SPTBN1: variants seen among roughly 807,000 people sequenced by gnomAD.
The protein encoded by SPTBN1 is spectrin beta, non-erythrocytic 1, also known as spectrin beta chain, non-erythrocytic 1.
Under a neutral mutation model 266.4 loss-of-function variants are expected in SPTBN1, and 32 were observed. The ratio of observed to expected loss-of-function variants is 0.12; its 90% CI spans 0.09 to 0.16. The LOEUF is 0.16. SPTBN1 is among the 10% of genes least tolerant of loss of function. SPTBN1 has a pLI of 1.00. For synonymous variants in SPTBN1, 1,336 were observed against 1,162.2 expected (o/e 1.15, Z -3.04); for missense variants, 2,296 against 3,067.1 (o/e 0.75, Z 5.94).
At chr2:54,594,814 A>G (rs1675944612) in intron 2 of SPTBN1, among the ~76,000 whole-genome samples, 1 of 140,624 alleles carries the variant, frequency 7.1e-6, no homozygotes, top group Admixed American at 7.1e-5. Flanking sequence ...TTACGATTCC[A>G]TGACCCTCTG....
chr2:54,650,639 A>G (rs190445330), intron 26 of SPTBN1, among the ~76,000 whole-genome samples: 21 of 152,292 alleles, frequency 1.4e-4, no homozygotes, highest in African/African-American at 4.6e-4. Flanking sequence ...TGATTATGTC[A>G]AGGGTTCTTG....
rs905760720 is a variant in SPTBN1, at chr2:54,659,598, T to C, written c.6356+332T>C. Among the ~76,000 whole-genome samples, 3 of 131,170 alleles carry C rather than the reference T, an allele frequency of 2.3e-5. No individual in the cohort carries two copies. In the South Asian group the frequency reaches 7.3e-4, roughly 32 times the overall value. The allele number at this position is 131,170 out of a possible 152,430, so 86.1% of individuals were successfully genotyped here. On this transcript the variant is annotated intron_variant, in intron 31 of 35. Transcript: ENST00000356805. ...AGATTTTAGGCCAGTGATTTTGTGGTGATGCGTTTTTTGAGAGTTCTAAGT... is the reference window on the plus strand; with the variant it reads ...AGATTTTAGGCCAGTGATTTTGTGGCGATGCGTTTTTTGAGAGTTCTAAGT...
chr2:54,486,041 T>C (rs976857061), intron 1 of SPTBN1, among the ~76,000 whole-genome samples: 14 of 139,838 alleles, frequency 1.0e-4, no homozygotes, highest in East Asian at 6.8e-4. Flanking sequence ...CGGCCGCCCC[T>C]ACTGGGAAGT....
intron 2 of SPTBN1, among the ~76,000 whole-genome samples, chr2:54,580,289 TAGAG>T (rs1383603650): frequency 6.6e-6 from 1 of 152,202 alleles, no homozygotes; most frequent in Non-Finnish European, 1.5e-5. Flanking sequence ...CGTTGAGTGG[TAGAG>T]AGGTTAAAGG....
At chr2:54,567,913 C>G (rs984197894) in intron 2 of SPTBN1, among the ~76,000 whole-genome samples, 1 of 152,138 alleles carries the variant, frequency 6.6e-6, no homozygotes, top group African/African-American at 2.4e-5. Context: ...ACGACATAAC[C>G]TCCTAGAATT....
At chr2:54,604,895 G>A (rs1676734172) in intron 3 of SPTBN1, among the ~76,000 whole-genome samples, 1 of 152,166 alleles carries the variant, frequency 6.6e-6, no homozygotes, top group African/African-American at 2.4e-5. Flanking sequence ...ACTGCTCTCT[G>A]CCTGCAGAGC....
intron 29 of SPTBN1, among the ~76,000 whole-genome samples, chr2:54,656,319 A>C (rs1680655354): frequency 6.6e-6 from 1 of 152,196 alleles, no homozygotes; most frequent in South Asian, 2.1e-4. Flanking sequence ...TTACTACAGA[A>C]TCAAGTTGGA....
chr2:54,566,468 G>A (rs1673671475), intron 2 of SPTBN1, among the ~76,000 whole-genome samples: 1 of 152,090 alleles, frequency 6.6e-6, no homozygotes, highest in African/African-American at 2.4e-5. Flanking sequence ...AATTATAAGC[G>A]TGAGCCACTG....
At chr2:54,608,119 A>C (rs1452868669) in intron 3 of SPTBN1, among the ~76,000 whole-genome samples, 1 of 152,096 alleles carries the variant, frequency 6.6e-6, no homozygotes, top group Non-Finnish European at 1.5e-5. Flanking sequence ...CGCTCAGCAC[A>C]CACCAAGCCC....
chr2:54,483,789 T>G (rs921972669), intron 1 of SPTBN1, among the ~76,000 whole-genome samples: 2 of 152,214 alleles, frequency 1.3e-5, no homozygotes, highest in Non-Finnish European at 2.9e-5. Flanking sequence ...TCCTGTTTTG[T>G]CATTGTCTGC....
chr2:54,555,659 C>T (rs957169214), intron 2 of SPTBN1, among the ~76,000 whole-genome samples: 2 of 152,096 alleles, frequency 1.3e-5, no homozygotes, highest in African/African-American at 2.4e-5. Context: ...TCAAAAGTCT[C>T]CAGTGGCTCC....
intron 1 of SPTBN1, among the ~76,000 whole-genome samples, chr2:54,467,467 T>C (rs1693695462): frequency 6.6e-6 from 1 of 152,196 alleles, no homozygotes; most frequent in South Asian, 2.1e-4. Flanking sequence ...CGATCTCGGC[T>C]CACTGCAACC....
intron 11 of SPTBN1, 119 bp downstream of exon 11, chr2:54,625,081 C>A: frequency 2.4e-6 from 3 of 1,244,250 alleles, no homozygotes; most frequent in Non-Finnish European, 2.2e-6. Context: ...TCTGGAGGAA[C>A]GTCAGGTCAC....
chr2:54,529,352 C>A (rs1262025922), intron 2 of SPTBN1: 1 of 604,472 alleles, frequency 1.7e-6, no homozygotes, highest in Admixed American at 2.3e-5. Flanking sequence ...GAAGATGGCA[C>A]CGAAAGTGAA....
chr2:54,666,455 A>G (rs1376690273), intron 34 of SPTBN1, among the ~76,000 whole-genome samples: 1 of 152,188 alleles, frequency 6.6e-6, no homozygotes, highest in East Asian at 1.9e-4. Flanking sequence ...GACCCAGGAG[A>G]TGCTATTCTT....
At position 54,670,985 on chromosome 2, in the gene SPTBN1, G is replaced by A; in HGVS notation, c.*2416G>A. 2.5e-6 allele frequency: 1 copy of A among 395,540 alleles called. No homozygotes were observed. The highest frequency in any genetic ancestry group is 2.1e-5 in the African/African-American group (1 of 48,502). The allele number at this position is 395,540 out of a possible 1,614,324, so 24.5% of individuals were successfully genotyped here. A position where few individuals can be genotyped will look rare whatever the true frequency, so the allele number is the denominator to read the frequency against. Reference sequence around the variant, plus strand: ...TTTTTTTTTATTCTTCCACTATCATGTTTTTTGAGGATTTTGCATATTTCT... The same window carrying A: ...TTTTTTTTTATTCTTCCACTATCATATTTTTTGAGGATTTTGCATATTTCT... On this transcript the variant is annotated 3_prime_UTR_variant, in exon 36 of 36. Coordinates refer to ENST00000356805, the MANE Select transcript of SPTBN1 (RefSeq NM_003128.3).
intron 24 of SPTBN1, 113 bp from the exon 25 acceptor site, chr2:54,648,873 T>G: frequency 1.9e-6 from 2 of 1,043,106 alleles, no homozygotes; most frequent in Non-Finnish European, 2.7e-6. Flanking sequence ...GAGTTTCCTT[T>G]GAGAAATATG....
At chr2:54,545,912 A>T (rs1479354388) in intron 2 of SPTBN1, among the ~76,000 whole-genome samples, 3 of 152,092 alleles carry the variant, frequency 2.0e-5, no homozygotes, top group Non-Finnish European at 2.9e-5. Flanking sequence ...ACACAGTGAG[A>T]CACAGAGTGT....
At chr2:54,659,854 G>C (rs530185324) in intron 31 of SPTBN1, 82 bp from the exon 32 acceptor site, 5 of 1,516,678 alleles carry the variant, frequency 3.3e-6, no homozygotes, top group Admixed American at 2.3e-5. Context: ...ATTGAGTGAT[G>C]ATGTTCTCCC....
Sources: gnomAD v4.1 joint callset for allele counts (sites outside exome capture counted in the v4.1 genomes callset) on GRCh38, gnomAD v4.1.1 for gene constraint, MANE v1.5 for transcripts, NCBI Gene and HGNC (gene_info 2026-07-23, HGNC 2026-07-21) for gene names.